FBXL13: variants seen among roughly 807,000 people sequenced by gnomAD.
FBXL13 encodes F-box and leucine rich repeat protein 13.
FBXL13 carries 67 observed loss-of-function variants against 83.6 expected under a neutral mutation model. The ratio of observed to expected loss-of-function variants is 0.80; its 90% CI spans 0.66 to 0.98. The LOEUF is 0.98. Ranked by LOEUF, FBXL13 falls within the 50% of genes least tolerant of loss-of-function variation. The pLI is 0.00. For missense variants in FBXL13, 822 were observed against 866.5 expected, an observed-to-expected ratio of 0.95 and a Z score of 0.64; for synonymous variants, 272 against 299.5, an observed-to-expected ratio of 0.91 and a Z score of 0.95.
intron 2 of FBXL13, among the ~76,000 whole-genome samples, chr7:103,036,673 A>T (rs1795101045): frequency 6.6e-6 from 1 of 152,080 alleles, no homozygotes; most frequent in African/African-American, 2.4e-5. Context: ...CACCACACGT[A>T]GCTAATTTTT....
intron 8 of FBXL13, among the ~76,000 whole-genome samples, chr7:102,939,128 T>G (rs1167839308): frequency 1.3e-5 from 2 of 152,214 alleles, no homozygotes; most frequent in East Asian, 3.8e-4. Flanking sequence ...GGCTGCTTTC[T>G]AGAACCTAGG....
intron 5 of FBXL13, 132 bp from the exon 7 acceptor site, chr7:103,025,362 A>C: frequency 1.9e-6 from 1 of 533,166 alleles, no homozygotes. Context: ...TCATTACTAC[A>C]TAAACTATAA....
At chr7:102,843,257 A>C (rs1459735404) in intron 17 of FBXL13, among the ~76,000 whole-genome samples, 2 of 152,126 alleles carry the variant, frequency 1.3e-5, no homozygotes, top group Non-Finnish European at 2.9e-5. Flanking sequence ...CAGTCTGACC[A>C]ACATGCTGAA....
At chr7:102,812,167 C>T (rs1797471312), downstream of FBXL13, among the ~76,000 whole-genome samples, 1 of 152,174 alleles carries the variant, frequency 6.6e-6, no homozygotes, top group Non-Finnish European at 1.5e-5. Flanking sequence ...TGTGTTTTCT[C>T]TTGGACTGTG....
At position 102,822,221 on chromosome 7, in the gene FBXL13, G is replaced by T; in HGVS notation, c.1855-18C>A. 1 of 1,612,668 alleles carries T rather than the reference G, an allele frequency of 6.2e-7. No individual in the cohort carries two copies. Among genetic ancestry groups the T allele is most frequent in the Non-Finnish European group, 8.5e-7 (1 of 1,178,972 alleles). On this transcript the variant is annotated intron_variant, in intron 18 of 19. Transcript: ENST00000313221. ...TCAGTAATCTGAACACAGAGCCAAA[G>T]TAAGTACTGGTTATTCAAACACTAT...
At chr7:103,074,343 A>C (rs1799409180) in exon 1 of FBXL13, 1 of 1,026,626 alleles carries the variant, frequency 9.7e-7, no homozygotes, top group Non-Finnish European at 1.2e-6. Context: ...TTTCCTCCTC[A>C]GGCTCTCTGG....
intron 8 of FBXL13, among the ~76,000 whole-genome samples, chr7:102,939,018 T>G (rs1820870856): frequency 6.6e-6 from 1 of 152,232 alleles, no homozygotes; most frequent in Non-Finnish European, 1.5e-5. Context: ...CATTTATTTG[T>G]GGTTAACCCA....
intron 16 of FBXL13, among the ~76,000 whole-genome samples, chr7:102,855,777 TAAA>T (rs1805958390): frequency 6.6e-6 from 1 of 152,116 alleles, no homozygotes. Flanking sequence ...TTATCGATCT[TAAA>T]TACAACATTT....
At chr7:102,821,035 A>ATC (rs1798736848) in intron 19 of FBXL13, among the ~76,000 whole-genome samples, 1 of 152,232 alleles carries the variant, frequency 6.6e-6, no homozygotes, top group Non-Finnish European at 1.5e-5. Context: ...TGATTGGCAA[A>ATC]ATATAATCAA....
At chr7:102,875,811 G>A (rs1809164811) in intron 16 of FBXL13, among the ~76,000 whole-genome samples, 1 of 152,118 alleles carries the variant, frequency 6.6e-6, no homozygotes, top group Non-Finnish European at 1.5e-5. Context: ...TGATGTTATT[G>A]AAGCCCAGAG....
At chr7:102,938,525 C>T (rs186932040) in intron 8 of FBXL13, among the ~76,000 whole-genome samples, 244 of 152,218 alleles carry the variant, frequency 1.6e-3, no homozygotes, top group Non-Finnish European at 2.9e-3. Context: ...AAGGAGCAAG[C>T]TTGTAAGGGG....
At chr7:103,013,272 T>G (rs867798367) in intron 6 of FBXL13, among the ~76,000 whole-genome samples, 15 of 152,318 alleles carry the variant, frequency 9.8e-5, no homozygotes, top group South Asian at 4.1e-4. Context: ...AACTCAATGC[T>G]TGACCAAATA....
intron 1 of FBXL13, among the ~76,000 whole-genome samples, chr7:103,069,055 G>C (rs893351853): frequency 3.9e-5 from 6 of 152,238 alleles, no homozygotes; most frequent in Admixed American, 3.9e-4. Context: ...TGGGAAGTGA[G>C]GAGCACCTCT....
chr7:102,946,490 A>C lies in FBXL13; in HGVS notation c.725-14557T>G, dbSNP rs1378057227. Among the ~76,000 whole-genome samples, 6 of 152,290 alleles carry C rather than the reference A, an allele frequency of 3.9e-5. No homozygotes were observed. The East Asian group carries it at 1.2e-3, about 29-fold the overall frequency. On this transcript the variant is annotated intron_variant, in intron 8 of 19. Coordinates refer to ENST00000313221, the Ensembl canonical transcript of FBXL13. ...CCCCAAAGAGGAGCAGGTACCAGGAAAGTGGGGGAGCACTCGTGAGGGCAG... is the reference window on the plus strand; with the variant it reads ...CCCCAAAGAGGAGCAGGTACCAGGACAGTGGGGGAGCACTCGTGAGGGCAG...
chr7:102,939,712 A>T, intron 8 of FBXL13: 1 of 861,636 alleles, frequency 1.2e-6, no homozygotes, highest in Non-Finnish European at 1.7e-6. Flanking sequence ...ACAAGTTTTA[A>T]TTAAACATGA....
chr7:102,883,366 T>A (rs201453523), exon 14 of FBXL13: 2 of 1,613,858 alleles, frequency 1.2e-6, no homozygotes, highest in Non-Finnish European at 1.7e-6. Flanking sequence ...GATCTGAGGC[T>A]GCTGTCTGTT....
intron 16 of FBXL13, among the ~76,000 whole-genome samples, chr7:102,867,696 T>TATATATATATATATA (rs1491494721): frequency 5.6e-5 from 2 of 35,792 alleles, no homozygotes; most frequent in East Asian, 1.3e-3. Flanking sequence ...TATATATATA[T>TATATATATATATATA]TTTTTTTTTT....
chr7:102,863,041 T>C (rs554508479), intron 16 of FBXL13, among the ~76,000 whole-genome samples: 1 of 152,324 alleles, frequency 6.6e-6, no homozygotes, highest in East Asian at 1.9e-4. Context: ...TCTGAATGTG[T>C]CATAGGCACC....
At chr7:102,996,552 A>G (rs2129485139) in intron 6 of FBXL13, among the ~76,000 whole-genome samples, 1 of 152,316 alleles carries the variant, frequency 6.6e-6, no homozygotes, top group Middle Eastern at 3.4e-3. Flanking sequence ...GACAGACTAT[A>G]CTGATTAACT....
Sources: gnomAD v4.1 joint callset for allele counts (sites outside exome capture counted in the v4.1 genomes callset) on GRCh38, gnomAD v4.1.1 for gene constraint, MANE v1.5 for transcripts, NCBI Gene and HGNC (gene_info 2026-07-23, HGNC 2026-07-21) for gene names.